The following TEX9 variants were observed in gnomAD, a reference collection of about 807,000 sequenced individuals.
The protein encoded by TEX9 is testis-expressed protein 9.
A neutral mutation model predicts 59.6 loss-of-function variants in TEX9; 74 were observed. The observed-to-expected ratio is 1.24, with a 90% confidence interval of 1.03 to 1.51. The LOEUF (loss-of-function observed/expected upper bound fraction) is 1.51, where lower values mean the gene tolerates loss of function less well. Ranked by LOEUF, TEX9 falls within the 40% of genes most tolerant of loss-of-function variation. TEX9 has a pLI of 0.00. For synonymous variants in TEX9, 186 were observed against 152.2 expected, an observed-to-expected ratio of 1.22 and a Z score of -1.64; for missense variants, 522 against 447.8, an observed-to-expected ratio of 1.17 and a Z score of -1.49.
intron 1 of TEX9, among the ~76,000 whole-genome samples, chr15:56,312,382 T>C (rs1270388036): frequency 2.8e-5 from 4 of 143,792 alleles, no homozygotes; most frequent in African/African-American, 1.0e-4. Context: ...GTTTTCCCAG[T>C]ACCATTTATT....
chr15:56,454,383 A>G, the TEX9 span, among the ~76,000 whole-genome samples: 1 of 142,286 alleles, frequency 7.0e-6, no homozygotes, highest in African/African-American at 2.6e-5. Flanking sequence ...TTATTTTTAA[A>G]TGTCCAGTGA....
At chr15:56,335,520 G>A (rs2046241058) in intron 1 of TEX9, among the ~76,000 whole-genome samples, 1 of 152,092 alleles carries the variant, frequency 6.6e-6, no homozygotes, top group African/African-American at 2.4e-5. Flanking sequence ...ATGGGGATGG[G>A]GGAAGTGGGA....
intron 3 of TEX9, among the ~76,000 whole-genome samples, chr15:56,376,046 G>A (rs570263643): frequency 6.2e-4 from 86 of 137,882 alleles, no homozygotes; most frequent in African/African-American, 2.1e-3. Context: ...ACAGGAAGGG[G>A]AACATCACAC....
At chr15:56,419,970 A>G (rs1567137604) in intron 10 of TEX9, among the ~76,000 whole-genome samples, 1 of 151,666 alleles carries the variant, frequency 6.6e-6, no homozygotes, top group Non-Finnish European at 1.5e-5. Context: ...TATTCCTTAT[A>G]GAGGCTATAT....
intron 1 of TEX9, among the ~76,000 whole-genome samples, chr15:56,284,234 T>C (rs1477799564): frequency 6.6e-6 from 1 of 152,168 alleles, no homozygotes; most frequent in Non-Finnish European, 1.5e-5. Context: ...TGACCTCAAG[T>C]GATCCTCCTG....
chr15:56,267,198 T>A (rs370431717), intron 1 of TEX9, among the ~76,000 whole-genome samples: 6 of 152,228 alleles, frequency 3.9e-5, no homozygotes, highest in African/African-American at 1.4e-4. Context: ...TGTAAATTTG[T>A]TTAAGTTCTT....
chr15:56,306,437 A>C (rs2045488583), intron 1 of TEX9, among the ~76,000 whole-genome samples: 1 of 152,120 alleles, frequency 6.6e-6, no homozygotes. Context: ...ATAAAAATGA[A>C]CAAGATCCTG....
At chr15:56,446,762 A>G (rs1442829361), downstream of TEX9, 2 of 1,052,308 alleles carry the variant, frequency 1.9e-6, no homozygotes, top group Admixed American at 2.2e-5. Context: ...TTTATACAAT[A>G]TGACAATTTT....
intron 1 of TEX9, among the ~76,000 whole-genome samples, chr15:56,281,833 A>C (rs1253958428): frequency 1.3e-5 from 2 of 152,198 alleles, no homozygotes; most frequent in African/African-American, 2.4e-5. Flanking sequence ...TACAGTGTCC[A>C]TTCCGAAGAT....
chr15:56,455,258 A>C, the TEX9 span, among the ~76,000 whole-genome samples: 14 of 151,482 alleles, frequency 9.2e-5, no homozygotes, highest in Non-Finnish European at 1.8e-4. Context: ...AAAAAAAAAA[A>C]AAAAAAAAAA....
chr15:56,402,593 T>C (rs1442211569), intron 9 of TEX9, among the ~76,000 whole-genome samples: 2 of 152,190 alleles, frequency 1.3e-5, no homozygotes, highest in Non-Finnish European at 2.9e-5. Flanking sequence ...TCTGAAACTG[T>C]TCCAATCAAT....
intron 2 of TEX9, among the ~76,000 whole-genome samples, chr15:56,370,538 T>C (rs1202108918): frequency 2.6e-5 from 4 of 152,226 alleles, no homozygotes; most frequent in Non-Finnish European, 5.9e-5. Flanking sequence ...GATGGCCAGC[T>C]TTTCCTTCTC....
At chr15:56,329,646 CA>C (rs1473019323) in intron 1 of TEX9, among the ~76,000 whole-genome samples, 1 of 152,026 alleles carries the variant, frequency 6.6e-6, no homozygotes, top group African/African-American at 2.4e-5. Context: ...ATGCAATTGA[CA>C]TACTGAAGAA....
chr15:56,294,251 C>G (rs1362272321), intron 1 of TEX9, among the ~76,000 whole-genome samples: 2 of 152,206 alleles, frequency 1.3e-5, no homozygotes, highest in African/African-American at 4.8e-5. Context: ...TCTGCCCTGC[C>G]TTGACAGAAA....
intron 1 of TEX9, among the ~76,000 whole-genome samples, chr15:56,319,529 C>G (rs534888120): frequency 1.8e-4 from 28 of 152,204 alleles, no homozygotes; most frequent in Non-Finnish European, 3.4e-4. Context: ...CCCTTTCAAG[C>G]TTTTCGTGTT....
At chr15:56,341,025 T>C (rs1316140977) in intron 1 of TEX9, among the ~76,000 whole-genome samples, 3 of 152,102 alleles carry the variant, frequency 2.0e-5, no homozygotes, top group African/African-American at 7.2e-5. Flanking sequence ...ATTACTCCCA[T>C]CTTGGGGCCC....
chr15:56,305,895 A>T (rs146866592), intron 1 of TEX9, among the ~76,000 whole-genome samples: 28 of 152,342 alleles, frequency 1.8e-4, no homozygotes, highest in African/African-American at 6.7e-4. Flanking sequence ...TACTAACCAG[A>T]ATATATAAGA....
chr15:56,432,781 T>A (rs1178262047), intron 12 of TEX9, among the ~76,000 whole-genome samples: 1 of 152,168 alleles, frequency 6.6e-6, no homozygotes, highest in Non-Finnish European at 1.5e-5. Context: ...CAATCTGAAA[T>A]ATAACAGCAC....
intron 9 of TEX9, among the ~76,000 whole-genome samples, chr15:56,402,757 C>T (rs1282768227): frequency 6.6e-6 from 1 of 152,114 alleles, no homozygotes; most frequent in Admixed American, 6.5e-5. Flanking sequence ...AAACTGAATC[C>T]AGCAGCATAT....
Sources: gnomAD v4.1 joint callset for allele counts (sites outside exome capture counted in the v4.1 genomes callset) on GRCh38, gnomAD v4.1.1 for gene constraint, MANE v1.5 for transcripts, NCBI Gene and HGNC (gene_info 2026-07-23, HGNC 2026-07-21) for gene names.